KLRG1: variants seen among roughly 807,000 people sequenced by gnomAD.
KLRG1 encodes killer cell lectin-like receptor subfamily G member 1.
In KLRG1, 16 loss-of-function variants were observed where a neutral mutation model predicts 21.8. The observed-to-expected ratio is 0.73, with a 90% CI of 0.50 to 1.11. The LOEUF is 1.11. Among genes scored for constraint, KLRG1 ranks in the 50% most tolerant of loss-of-function variants. The probability of loss-of-function intolerance (pLI) is 0.00; values close to 1 mark genes in which losing one functional copy is unlikely to be tolerated. For synonymous variants in KLRG1, 69 were observed against 75.9 expected (o/e 0.91, Z 0.47); for missense variants, 173 against 218.3 (o/e 0.79, Z 1.31).
At chr12:9,109,070 GAATC>G in the KLRG1 span, among the ~76,000 whole-genome samples, 2 of 151,954 alleles carry the variant, frequency 1.3e-5, no homozygotes, top group African/African-American at 4.8e-5. Context: ...GTCACTTTCA[GAATC>G]AATCCTATTA....
the KLRG1 span, chr12:9,150,831 A>G: frequency 1.2e-6 from 1 of 854,490 alleles, no homozygotes; most frequent in East Asian, 2.5e-5. Flanking sequence ...TTGTTCTTTG[A>G]CTCTTTTTCA....
intron 4 of KLRG1, 111 bp downstream of exon 4, chr12:9,009,186 G>T: frequency 1.2e-6 from 1 of 843,262 alleles, no homozygotes; most frequent in Admixed American, 3.1e-5. Context: ...AGGAAAGAAT[G>T]AAAAGGAGAG....
the KLRG1 span, among the ~76,000 whole-genome samples, chr12:9,053,350 T>G: frequency 6.6e-6 from 1 of 152,054 alleles, no homozygotes; most frequent in Non-Finnish European, 1.5e-5. Flanking sequence ...TTTGTGAAAT[T>G]AATGGCTAAG....
At chr12:9,045,142 A>G in the KLRG1 span, among the ~76,000 whole-genome samples, 1 of 152,234 alleles carries the variant, frequency 6.6e-6, no homozygotes, top group Non-Finnish European at 1.5e-5. Context: ...AACAAGGAAA[A>G]AAAACTGAAA....
chr12:9,149,275 C>T, the KLRG1 span, among the ~76,000 whole-genome samples: 2 of 152,260 alleles, frequency 1.3e-5, no homozygotes, highest in South Asian at 4.2e-4. Context: ...ATTAGTTGAC[C>T]ATTGTGTTGA....
chr12:9,119,030 A>C, the KLRG1 span, among the ~76,000 whole-genome samples: 10 of 152,216 alleles, frequency 6.6e-5, no homozygotes, highest in Non-Finnish European at 1.3e-4. Flanking sequence ...CACAGGCAGG[A>C]GAGTGTGAGG....
At chr12:8,982,694 G>A (rs1238231777) in intron 1 of KLRG1, among the ~76,000 whole-genome samples, 1 of 142,876 alleles carries the variant, frequency 7.0e-6, no homozygotes, top group Non-Finnish European at 1.5e-5. Flanking sequence ...TGTCCAGGCT[G>A]GAGTGCAATG....
chr12:9,154,900 T>G, the KLRG1 span: 25 of 1,454,066 alleles, frequency 1.7e-5, no homozygotes, highest in Non-Finnish European at 2.0e-5. Flanking sequence ...AACTGGTAGA[T>G]AAGAGAATGC....
At chr12:9,067,872 G>T in the KLRG1 span, 1 of 1,604,930 alleles carries the variant, frequency 6.2e-7, no homozygotes, top group East Asian at 2.2e-5. Flanking sequence ...AATTAAGACA[G>T]ATTTGGGTCT....
intron 1 of KLRG1, among the ~76,000 whole-genome samples, chr12:8,974,313 G>T (rs1325399759): frequency 1.3e-5 from 2 of 151,804 alleles, no homozygotes; most frequent in Non-Finnish European, 2.9e-5. Context: ...GACTACAAGC[G>T]TCCACCACCA....
the KLRG1 span, among the ~76,000 whole-genome samples, chr12:9,049,557 A>G: frequency 2.0e-5 from 3 of 152,208 alleles, no homozygotes; most frequent in Non-Finnish European, 4.4e-5. Context: ...CTGCCCATAG[A>G]TAAGGATGAT....
At chr12:9,015,911 G>A in the KLRG1 span, among the ~76,000 whole-genome samples, 33 of 152,156 alleles carry the variant, frequency 2.2e-4, no homozygotes, top group Middle Eastern at 3.4e-3. Flanking sequence ...CTGAATGACA[G>A]GTGAGCCAAT....
the KLRG1 span, among the ~76,000 whole-genome samples, chr12:9,173,006 A>G: frequency 2.0e-5 from 3 of 152,198 alleles, no homozygotes; most frequent in Admixed American, 1.3e-4. Context: ...CTCTCCACCA[A>G]AATTCAACAG....
At chr12:9,152,967 G>A in the KLRG1 span, 5 of 1,613,980 alleles carry the variant, frequency 3.1e-6, no homozygotes, top group South Asian at 5.5e-5. Context: ...AAACAGCAAA[G>A]ACACTATCAG....
At chr12:9,020,371 C>G in the KLRG1 span, among the ~76,000 whole-genome samples, 2 of 152,272 alleles carry the variant, frequency 1.3e-5, no homozygotes, top group South Asian at 4.1e-4. Context: ...ACAAAAGTTT[C>G]CACATGACTT....
chr12:9,196,396 A>T, the KLRG1 span: 60 of 1,613,778 alleles, frequency 3.7e-5, no homozygotes, highest in Non-Finnish European at 4.8e-5. Context: ...GTTTGGATAC[A>T]ATGTTTGTGA....
chr12:9,113,605 A>C, the KLRG1 span: 1 of 1,461,326 alleles, frequency 6.8e-7, no homozygotes, highest in East Asian at 2.3e-5. Flanking sequence ...TATCAACAGC[A>C]CTTTTTTCCA....
chr12:9,107,491 G>A, the KLRG1 span: 20 of 1,610,396 alleles, frequency 1.2e-5, no homozygotes, highest in African/African-American at 1.1e-4. Flanking sequence ...TGCCTTTATC[G>A]CTATTCTCTA....
the KLRG1 span, chr12:9,169,061 C>A: frequency 1.1e-6 from 1 of 926,314 alleles, no homozygotes; most frequent in Admixed American, 2.1e-5. Context: ...CTATGTAATT[C>A]CAGTATCCTT....
Sources: gnomAD v4.1 joint callset for allele counts (sites outside exome capture counted in the v4.1 genomes callset) on GRCh38, gnomAD v4.1.1 for gene constraint, MANE v1.5 for transcripts, NCBI Gene and HGNC (gene_info 2026-07-23, HGNC 2026-07-21) for gene names.